The following MTUS2 variants were observed in gnomAD, a reference collection of about 807,000 sequenced individuals.
MTUS2 encodes the protein microtubule-associated tumor suppressor candidate 2.
In MTUS2, 40 loss-of-function variants were observed where a neutral mutation model predicts 114.1. That is an observed-to-expected ratio of 0.35 (90% CI 0.27 to 0.46). The LOEUF is 0.46. MTUS2 is among the 20% of genes least tolerant of loss of function. The probability of loss-of-function intolerance (pLI) is 1.00; values close to 1 mark genes in which losing one functional copy is unlikely to be tolerated. For synonymous variants in MTUS2, 688 were observed against 672.0 expected, an observed-to-expected ratio of 1.02 and a Z score of -0.37; for missense variants, 1,679 against 1,705.4, an observed-to-expected ratio of 0.98 and a Z score of 0.27.
intron 5 of MTUS2, among the ~76,000 whole-genome samples, chr13:29,269,494 T>C (rs2992386): frequency 0.55 from 83,940 of 152,074 alleles, 23,394 homozygotes; most frequent in Admixed American, 0.6. Flanking sequence ...CCAAAATGAA[T>C]ACCACACCAC....
chr13:28,910,100 G>C (rs1880315076), intron 2 of MTUS2, among the ~76,000 whole-genome samples: 1 of 151,988 alleles, frequency 6.6e-6, no homozygotes, highest in South Asian at 2.1e-4. Flanking sequence ...TCTGTCTGTT[G>C]TGCTATCAAA....
chr13:28,999,945 C>T (rs1885307900), intron 2 of MTUS2, among the ~76,000 whole-genome samples: 1 of 152,178 alleles, frequency 6.6e-6, no homozygotes, highest in East Asian at 1.9e-4. Context: ...TTGCAAATGA[C>T]AGTATTTCAT....
At chr13:29,157,786 A>T (rs1488544138) in intron 5 of MTUS2, among the ~76,000 whole-genome samples, 1 of 151,968 alleles carries the variant, frequency 6.6e-6, no homozygotes, top group Non-Finnish European at 1.5e-5. Flanking sequence ...GGATATATAT[A>T]TATAGATAGA....
In MTUS2 at chr13:29,199,979, G is replaced by T. The variant is rs566610140; in HGVS notation, c.2645-81725G>T. 2.0e-5 allele frequency among the ~76,000 whole-genome samples: 3 copies of T among 152,198 alleles called. No homozygotes were observed. In the East Asian group the frequency reaches 5.8e-4, roughly 29 times the overall value. ...CTTCTAGACTTTTGAGTTTATTTGT[G>T]TAGAGGTGAGTATTCTCGGATAGTA... On this transcript the variant is annotated intron_variant, in intron 5 of 15. Coordinates refer to ENST00000612955, the MANE Select transcript of MTUS2 (RefSeq NM_001033602.4).
intron 2 of MTUS2, among the ~76,000 whole-genome samples, chr13:29,001,290 T>C (rs1219795590): frequency 1.3e-5 from 2 of 152,170 alleles, no homozygotes; most frequent in Non-Finnish European, 2.9e-5. Flanking sequence ...AACCACAGGA[T>C]GGGATCTGGG....
At chr13:29,105,512 T>C (rs1890619363) in intron 5 of MTUS2, among the ~76,000 whole-genome samples, 1 of 152,144 alleles carries the variant, frequency 6.6e-6, no homozygotes, top group Non-Finnish European at 1.5e-5. Flanking sequence ...TATTTGCAGC[T>C]TTCCTTTCCA....
In MTUS2 at chr13:29,498,878, G is replaced by T. The variant is rs1882717242; in HGVS notation, c.3798+341G>T. On this transcript the variant is annotated intron_variant, in intron 14 of 15. Coordinates refer to ENST00000612955, the MANE Select transcript of MTUS2 (RefSeq NM_001033602.4). The stretch of plus-strand genomic sequence containing the variant: ...CCCTGATGCCCAGACACTGCACGGA[G>T]CACTTTCCCCGAGCCTGCGCCTAAC... 5.9e-5 allele frequency among the ~76,000 whole-genome samples: 9 copies of T among 152,278 alleles called. No homozygotes were observed. The South Asian group carries it at 1.9e-3, about 32-fold the overall frequency.
intron 8 of MTUS2, among the ~76,000 whole-genome samples, chr13:29,399,470 A>T (rs1874162661): frequency 6.6e-6 from 1 of 152,242 alleles, no homozygotes; most frequent in South Asian, 2.1e-4. Flanking sequence ...TGACAGAAGG[A>T]ATCCAATACA....
intron 5 of MTUS2, among the ~76,000 whole-genome samples, chr13:29,104,321 T>G (rs1287499485): frequency 1.3e-5 from 2 of 152,334 alleles, no homozygotes; most frequent in South Asian, 4.1e-4. Flanking sequence ...TGACTTGCCC[T>G]GGGTCCTGGG....
At chr13:28,834,461 G>T (rs557563528) in intron 1 of MTUS2, among the ~76,000 whole-genome samples, 1 of 152,108 alleles carries the variant, frequency 6.6e-6, no homozygotes, top group South Asian at 2.1e-4. Flanking sequence ...AATAAATGGT[G>T]CTGGAATAAC....
intron 6 of MTUS2, among the ~76,000 whole-genome samples, chr13:29,287,679 A>T (rs1898547205): frequency 6.6e-6 from 1 of 152,224 alleles, no homozygotes; most frequent in Non-Finnish European, 1.5e-5. Context: ...CAGGCATCTG[A>T]TATTTACTAG....
intron 8 of MTUS2, among the ~76,000 whole-genome samples, chr13:29,389,323 ATGTG>A (rs1362641021): frequency 1.6e-5 from 1 of 62,166 alleles, no homozygotes; most frequent in African/African-American, 4.8e-5. Context: ...GTATACACAT[ATGTG>A]TGTATATATG....
chr13:29,420,912 A>C (rs1876047222), intron 8 of MTUS2, among the ~76,000 whole-genome samples: 1 of 152,176 alleles, frequency 6.6e-6, no homozygotes, highest in Admixed American at 6.5e-5. Flanking sequence ...TCAAAAACTA[A>C]CAGACAGGGA....
intron 7 of MTUS2, among the ~76,000 whole-genome samples, chr13:29,356,789 T>C (rs1177781552): frequency 6.6e-6 from 1 of 152,230 alleles, no homozygotes; most frequent in Non-Finnish European, 1.5e-5. Context: ...ACTTTGTTTC[T>C]CAGCTTTTTC....
chr13:29,456,875 C>T (rs1303663144), intron 9 of MTUS2, among the ~76,000 whole-genome samples: 3 of 152,118 alleles, frequency 2.0e-5, no homozygotes, highest in African/African-American at 2.4e-5. Context: ...CGGTGGCTCA[C>T]GCCTGTAATC....
intron 6 of MTUS2, among the ~76,000 whole-genome samples, chr13:29,314,853 A>G (rs1899920505): frequency 6.6e-6 from 1 of 152,222 alleles, no homozygotes; most frequent in Non-Finnish European, 1.5e-5. Context: ...AGATCAGAAC[A>G]TTGTAGAGGT....
In MTUS2 at chr13:29,215,463, ATTTT is replaced by A. The variant is rs549438453; in HGVS notation, c.2645-66237_2645-66234del. 3.6e-3 allele frequency among the ~76,000 whole-genome samples: 365 copies of A among 102,316 alleles called. 2 individuals carry two copies. The highest frequency in any genetic ancestry group is 0.014 in the African/African-American group (355 of 25,846). 67.1% of individuals were successfully genotyped at this position (102,316 alleles called of 152,430 possible). A position where few individuals can be genotyped will look rare whatever the true frequency, so the allele number is the denominator to read the frequency against. ...TGTTCTGGTTTTTGGAGTTTTCAGC[ATTTT>A]TTTGCTGTTTTTTTTTTTTTTTTTT... On this transcript the variant is annotated intron_variant, in intron 5 of 15. Coordinates refer to ENST00000612955, the MANE Select transcript of MTUS2 (RefSeq NM_001033602.4).
intron 2 of MTUS2, among the ~76,000 whole-genome samples, chr13:28,907,055 CG>C (rs1880072646): frequency 6.6e-6 from 1 of 151,544 alleles, no homozygotes; most frequent in Non-Finnish European, 1.5e-5. Flanking sequence ...GCAGATCTCT[CG>C]GCAGAAACCG....
chr13:28,968,024 A>G (rs1883677538), intron 2 of MTUS2, among the ~76,000 whole-genome samples: 1 of 152,212 alleles, frequency 6.6e-6, no homozygotes, highest in Non-Finnish European at 1.5e-5. Flanking sequence ...AAAATTATTC[A>G]TGATGTCACC....
Sources: allele counts gnomAD v4.1 joint callset (sites outside exome capture counted in the v4.1 genomes callset), GRCh38; gene constraint gnomAD v4.1.1; transcripts MANE v1.5; gene names NCBI Gene and HGNC (gene_info 2026-07-23, HGNC 2026-07-21).